CCDC85A: variants seen among roughly 807,000 people sequenced by gnomAD.
The protein encoded by CCDC85A is coiled-coil domain-containing protein 85A.
A neutral mutation model predicts 50.2 loss-of-function variants in CCDC85A; 38 were observed. That is an observed-to-expected ratio of 0.76 (90% CI 0.58 to 0.99). The LOEUF is 0.99. Among genes scored for constraint, CCDC85A ranks in the 50% least tolerant of loss-of-function variants. The probability of loss-of-function intolerance (pLI) is 0.00; values close to 1 mark genes in which losing one functional copy is unlikely to be tolerated. For missense variants in CCDC85A, 820 were observed against 742.0 expected, an observed-to-expected ratio of 1.11 and a Z score of -1.22; for synonymous variants, 366 against 301.4, an observed-to-expected ratio of 1.21 and a Z score of -2.22.
chr2:56,229,007 G>A (rs1668667091), intron 2 of CCDC85A, among the ~76,000 whole-genome samples: 1 of 152,200 alleles, frequency 6.6e-6, no homozygotes, highest in Admixed American at 6.5e-5. Flanking sequence ...CTGGATACCT[G>A]TGATTGCAAA....
chr2:56,193,231 T>G lies in CCDC85A; in HGVS notation c.1031T>G (p.Leu344Arg), dbSNP rs747741690. ...CCGGAGCATCTTCAGAAACACGCTCTTGGGGGGAGCCTAGAGCATCTCCCC... is the reference window on the plus strand; with the variant it reads ...CCGGAGCATCTTCAGAAACACGCTCGTGGGGGGAGCCTAGAGCATCTCCCC... ...GSPEHLQKHALGGSLEHLPRA... is the reference protein window; with the variant it reads ...GSPEHLQKHARGGSLEHLPRA... The change falls in exon 2 of 6, where the codon CTT (leucine) becomes CGT (arginine). Residue 344 changes from leucine to arginine, a missense_variant. Transcript: ENST00000407595. 6.2e-7 allele frequency: 1 copy of G among 1,611,000 alleles called. No homozygotes were observed. Among genetic ancestry groups the G allele is most frequent in the Non-Finnish European group, 8.5e-7 (1 of 1,179,192 alleles).
intron 2 of CCDC85A, among the ~76,000 whole-genome samples, chr2:56,263,526 C>A (rs13004757): frequency 0.31 from 47,486 of 152,010 alleles, 7,511 homozygotes; most frequent in South Asian, 0.37. Flanking sequence ...ATGGCCTCCT[C>A]AGTTTGCACT....
intron 3 of CCDC85A, among the ~76,000 whole-genome samples, chr2:56,352,264 T>G (rs1183229641): frequency 2.0e-5 from 3 of 152,204 alleles, no homozygotes; most frequent in African/African-American, 7.2e-5. Context: ...AAACATAATA[T>G]AGATCCGAAA....
chr2:56,309,847 T>C (rs1173510451), intron 2 of CCDC85A, among the ~76,000 whole-genome samples: 2 of 152,172 alleles, frequency 1.3e-5, no homozygotes, highest in African/African-American at 4.8e-5. Context: ...CATCACAGCA[T>C]GGTTGGCTGA....
Position 56,372,631 on chromosome 2 carries a change from G to T in CCDC85A, c.1452+153G>T, listed in dbSNP as rs554810566. Among the ~76,000 whole-genome samples, 3 of 152,320 alleles carry T rather than the reference G, an allele frequency of 2.0e-5. No homozygotes were observed. In the South Asian group the frequency reaches 6.2e-4, roughly 32 times the overall value. ...AGTCTGGGGAGGGAGGATGGGAGTA[G>T]AATTTTTCACCTCCTAAACAGTTTT... On this transcript the variant is annotated intron_variant, in intron 4 of 5. Transcript: ENST00000407595.
At chr2:56,266,315 G>T (rs981704124) in intron 2 of CCDC85A, among the ~76,000 whole-genome samples, 1 of 152,132 alleles carries the variant, frequency 6.6e-6, no homozygotes, top group Non-Finnish European at 1.5e-5. Flanking sequence ...TGCCCCTATA[G>T]TCCCAACTAC....
chr2:56,228,725 C>T (rs536363722), intron 2 of CCDC85A, among the ~76,000 whole-genome samples: 4 of 151,956 alleles, frequency 2.6e-5, no homozygotes, highest in Admixed American at 6.6e-5. Context: ...AGTAGAGACA[C>T]GGTTTCACTG....
At chr2:56,214,700 C>G (rs1025810633) in intron 2 of CCDC85A, among the ~76,000 whole-genome samples, 1 of 151,818 alleles carries the variant, frequency 6.6e-6, no homozygotes, top group African/African-American at 2.4e-5. Flanking sequence ...TTGTGTGGGT[C>G]TGTTTCTGAG....
intron 2 of CCDC85A, among the ~76,000 whole-genome samples, chr2:56,281,506 C>G (rs1671206646): frequency 6.6e-6 from 1 of 152,138 alleles, no homozygotes; most frequent in Admixed American, 6.5e-5. Flanking sequence ...CAAATAGCTT[C>G]TGAAAGTGGT....
intron 3 of CCDC85A, among the ~76,000 whole-genome samples, chr2:56,369,479 G>A (rs1675968279): frequency 6.6e-6 from 1 of 152,070 alleles, no homozygotes; most frequent in African/African-American, 2.4e-5. Flanking sequence ...AAAGTCCTGA[G>A]GACTAAAGGC....
intron 2 of CCDC85A, among the ~76,000 whole-genome samples, chr2:56,292,003 T>C (rs1264478855): frequency 6.6e-6 from 1 of 152,190 alleles, no homozygotes; most frequent in African/African-American, 2.4e-5. Context: ...TTGAGACATG[T>C]GTCTCAGTAA....
chr2:56,361,615 G>A (rs1046696709), intron 3 of CCDC85A, among the ~76,000 whole-genome samples: 20 of 152,208 alleles, frequency 1.3e-4, no homozygotes, highest in Admixed American at 3.9e-4. Flanking sequence ...ATGGAAAAGA[G>A]TATTCCTGGA....
In CCDC85A at chr2:56,212,676, G is replaced by T. The variant is rs1677226613; in HGVS notation, c.1240+19236G>T. ...TATGTCAAGAAAAACCTTCCTTTGT[G>T]TGTACCCGCACTGGTGACACATTTC... On this transcript the variant is annotated intron_variant, in intron 2 of 5. Transcript: ENST00000407595. Among the ~76,000 whole-genome samples, 4 of 152,104 alleles carry T rather than the reference G, an allele frequency of 2.6e-5. No individual in the cohort carries two copies. The South Asian group carries it at 8.3e-4, about 32-fold the overall frequency.
intron 2 of CCDC85A, among the ~76,000 whole-genome samples, chr2:56,266,436 G>C (rs1006948241): frequency 1.3e-5 from 2 of 152,074 alleles, no homozygotes; most frequent in African/African-American, 4.8e-5. Flanking sequence ...TAAAACAGTG[G>C]ATTCTCAGGA....
At chr2:56,303,713 T>A (rs1215706439) in intron 2 of CCDC85A, among the ~76,000 whole-genome samples, 5 of 152,202 alleles carry the variant, frequency 3.3e-5, no homozygotes, top group South Asian at 2.1e-4. Flanking sequence ...TACTTTTTTT[T>A]AAATTGAGAG....
At chr2:56,321,684 G>A (rs535290048) in intron 2 of CCDC85A, among the ~76,000 whole-genome samples, 64 of 152,268 alleles carry the variant, frequency 4.2e-4, no homozygotes, top group African/African-American at 1.5e-3. Flanking sequence ...TCGTGGATAC[G>A]AAGAACCAAT....
intron 2 of CCDC85A, among the ~76,000 whole-genome samples, chr2:56,236,809 A>C (rs1441346943): frequency 6.6e-6 from 1 of 152,066 alleles, no homozygotes; most frequent in African/African-American, 2.4e-5. Context: ...CAAATTTCTC[A>C]GGTCTCTTAT....
intron 2 of CCDC85A, among the ~76,000 whole-genome samples, chr2:56,209,475 A>G (rs1677098688): frequency 6.6e-6 from 1 of 151,496 alleles, no homozygotes; most frequent in African/African-American, 2.4e-5. Context: ...CTTGTATGCA[A>G]AACTTCTGCT....
chr2:56,208,873 A>G (rs1268927420), intron 2 of CCDC85A, among the ~76,000 whole-genome samples: 1 of 152,072 alleles, frequency 6.6e-6, no homozygotes, highest in East Asian at 1.9e-4. Context: ...ATACCATATA[A>G]AACAAAATTT....
Sources: gnomAD v4.1 joint callset for allele counts (sites outside exome capture counted in the v4.1 genomes callset) on GRCh38, gnomAD v4.1.1 for gene constraint, MANE v1.5 for transcripts, NCBI Gene and HGNC (gene_info 2026-07-23, HGNC 2026-07-21) for gene names.